The following ABCD2 variants were observed in gnomAD, a reference collection of about 807,000 sequenced individuals.
ABCD2 encodes the protein ATP-binding cassette sub-family D member 2.
Under a neutral mutation model 70.9 loss-of-function variants are expected in ABCD2, and 36 were observed. The ratio of observed to expected loss-of-function variants is 0.51; its 90% CI spans 0.39 to 0.67. The LOEUF is 0.67. Among genes scored for constraint, ABCD2 ranks in the 30% least tolerant of loss-of-function variants. The pLI is 0.00. For missense variants in ABCD2, 729 were observed against 890.2 expected, an observed-to-expected ratio of 0.82 and a Z score of 2.30; for synonymous variants, 304 against 306.9, an observed-to-expected ratio of 0.99 and a Z score of 0.10.
chr12:39,542,879 G>T, the ABCD2 span, among the ~76,000 whole-genome samples: 1 of 152,188 alleles, frequency 6.6e-6, no homozygotes, highest in Non-Finnish European at 1.5e-5. Context: ...TGTTCAGAGA[G>T]CAGGAAAAGT....
chr12:39,607,607 A>G lies in ABCD2; in HGVS notation c.1228T>C (p.Tyr410His), dbSNP rs1451209889. ...ADAIERIMSS[Y>H]KEVTELAGYT... is the part of the protein sequence containing the mutation. ...ATAAGAAATGCAAGTACCTCTTTGT[A>G]TGAAGACATAATCCTTTCAATAGCA... The change falls in exon 3 of 10, where the codon TAC (tyrosine) becomes CAC (histidine). Residue 410 changes from tyrosine (Y) to histidine (H), a missense_variant. By Grantham distance (83) the Tyr-to-His change is moderately conservative. This residue lies in a region of ABCD2 where 195 missense variants were observed against 300.2 expected (regional missense o/e 0.65). Coordinates refer to ENST00000308666, the MANE Select transcript of ABCD2 (RefSeq NM_005164.4). 6.2e-7 allele frequency: 1 copy of G among 1,602,952 alleles called. No individual in the cohort carries two copies. The highest frequency in any genetic ancestry group is 8.5e-7 in the Non-Finnish European group (1 of 1,174,642).
chr12:39,594,588 CAATT>C (rs1941789893), intron 6 of ABCD2, among the ~76,000 whole-genome samples: 1 of 152,100 alleles, frequency 6.6e-6, no homozygotes, highest in Non-Finnish European at 1.5e-5. Context: ...ATATAGATAT[CAATT>C]AAAGATACCA....
In ABCD2 at chr12:39,600,440, A is replaced by G. The variant is rs1432440231; in HGVS notation, c.1646+131T>C. On this transcript the variant is annotated intron_variant, in intron 6 of 9. Coordinates refer to ENST00000308666, the MANE Select transcript of ABCD2 (RefSeq NM_005164.4). ...TAATAAAATATTTTGGGCTAAGTGA[A>G]TTTTTATTTCCTTAATAGTTTCTCT... 3.2e-6 allele frequency: 3 copies of G among 951,836 alleles called. No homozygotes were observed. The African/African-American group carries it at 5.1e-5, about 16-fold the overall frequency. 59.0% of individuals were successfully genotyped at this position (951,836 alleles called of 1,614,324 possible).
At chr12:39,541,852 A>T in the ABCD2 span, among the ~76,000 whole-genome samples, 85 of 152,324 alleles carry the variant, frequency 5.6e-4, no homozygotes, top group African/African-American at 2.0e-3. Flanking sequence ...ACATTAATGA[A>T]CTTCATGCAC....
intron 7 of ABCD2, among the ~76,000 whole-genome samples, chr12:39,584,270 G>A (rs539038295): frequency 1.9e-4 from 29 of 152,268 alleles, no homozygotes; most frequent in Non-Finnish European, 3.7e-4. Flanking sequence ...AGTGATCAGT[G>A]ATATTGAGCT....
the ABCD2 span, among the ~76,000 whole-genome samples, chr12:39,536,033 T>C: frequency 6.6e-6 from 1 of 152,216 alleles, no homozygotes; most frequent in East Asian, 1.9e-4. Context: ...GAGGCTGCAG[T>C]GAGCCGAGAT....
At position 39,611,842 on chromosome 12, in the gene ABCD2, G is replaced by C. The variant is rs139728061; in HGVS notation, c.1121-4128C>G. 3.8e-4 allele frequency among the ~76,000 whole-genome samples: 58 copies of C among 151,910 alleles called. 1 individual carries two copies. In the East Asian group the frequency reaches 0.011, roughly 28 times the overall value. On this transcript the variant is annotated intron_variant, in intron 2 of 9. Transcript: ENST00000308666. ...GTGTGTGTGTGGTGTGCATGTATAT[G>C]ATATATCCAACAAATGACTCATTAC...
At chr12:39,575,716 C>T (rs1015698468) in intron 8 of ABCD2, among the ~76,000 whole-genome samples, 2 of 152,188 alleles carry the variant, frequency 1.3e-5, no homozygotes, top group African/African-American at 4.8e-5. Context: ...GTTAAACTTT[C>T]TCTTCACTAG....
intron 9 of ABCD2, among the ~76,000 whole-genome samples, chr12:39,559,223 T>C (rs1310111056): frequency 1.3e-5 from 2 of 151,400 alleles, no homozygotes; most frequent in Non-Finnish European, 3.0e-5. Flanking sequence ...AAATACAAAA[T>C]TAGCCCAGCG....
At chr12:39,606,523 A>G (rs2120741819) in intron 3 of ABCD2, among the ~76,000 whole-genome samples, 1 of 152,240 alleles carries the variant, frequency 6.6e-6, no homozygotes, top group East Asian at 1.9e-4. Flanking sequence ...GAGATAAATA[A>G]AATTTTGATT....
chr12:39,604,947 G>T lies in ABCD2; in HGVS notation c.1237-17C>A. ...TTCAGTGACCTAAAAGCAACACAGA[G>T]ATATAAAATAGAGTTACTATATCCA... On this transcript the variant is annotated splice_polypyrimidine_tract_variant and intron_variant, in intron 3 of 9. Transcript: ENST00000308666. The T allele has an allele frequency of 6.5e-7, 1 of 1,545,960 alleles. No homozygotes were observed. The highest frequency in any genetic ancestry group is 8.7e-7 in the Non-Finnish European group (1 of 1,151,084).
At chr12:39,615,514 T>C (rs1262299581) in intron 2 of ABCD2, among the ~76,000 whole-genome samples, 1 of 152,068 alleles carries the variant, frequency 6.6e-6, no homozygotes, top group Admixed American at 6.6e-5. Context: ...CTTTTTAAAA[T>C]TAAATTCTTT....
At chr12:39,558,889 G>C (rs1449684969) in intron 9 of ABCD2, among the ~76,000 whole-genome samples, 3 of 152,020 alleles carry the variant, frequency 2.0e-5, no homozygotes. Flanking sequence ...TGGGAAAAAA[G>C]CCAGAAATGC....
chr12:39,569,592 G>A (rs749299811), intron 9 of ABCD2, among the ~76,000 whole-genome samples: 11 of 152,102 alleles, frequency 7.2e-5, no homozygotes, highest in Admixed American at 1.3e-4. Flanking sequence ...GCGATGCCTC[G>A]CCCTGCTTCG....
intron 7 of ABCD2, 24 bp from the exon 8 acceptor site, chr12:39,579,643 A>G: frequency 3.3e-6 from 5 of 1,521,360 alleles, no homozygotes; most frequent in Non-Finnish European, 4.5e-6. Flanking sequence ...AAAAATATAC[A>G]TTTTTATAAA....
At chr12:39,613,532 A>G (rs1407316815) in intron 2 of ABCD2, among the ~76,000 whole-genome samples, 1 of 152,140 alleles carries the variant, frequency 6.6e-6, no homozygotes, top group Non-Finnish European at 1.5e-5. Context: ...TAGAAACTCT[A>G]CATAACTAAC....
intron 2 of ABCD2, among the ~76,000 whole-genome samples, chr12:39,616,766 A>T (rs909055762): frequency 2.6e-5 from 4 of 152,040 alleles, no homozygotes; most frequent in Non-Finnish European, 5.9e-5. Context: ...TGCATCAGAG[A>T]TCTCTGAAAT....
the ABCD2 span, among the ~76,000 whole-genome samples, chr12:39,533,485 T>G: frequency 6.6e-6 from 1 of 152,192 alleles, no homozygotes; most frequent in Non-Finnish European, 1.5e-5. Flanking sequence ...AATAGTTTCT[T>G]GAGAACATAA....
intron 6 of ABCD2, among the ~76,000 whole-genome samples, chr12:39,597,765 T>C (rs1246125400): frequency 1.3e-5 from 2 of 152,222 alleles, no homozygotes; most frequent in African/African-American, 2.4e-5. Context: ...AAACATTTCT[T>C]TCCAAAAACG....
Sources: gnomAD v4.1 joint callset for allele counts (sites outside exome capture counted in the v4.1 genomes callset) on GRCh38, gnomAD v4.1.1 for gene constraint, gnomAD v4.1.1 regional missense constraint, MANE v1.5 for transcripts, NCBI Gene and HGNC (gene_info 2026-07-23, HGNC 2026-07-21) for gene names.